Variants in CGNL1 observed in about 807,000 individuals in gnomAD.
CGNL1 encodes the protein cingulin like 1.
In CGNL1, 132 loss-of-function variants were observed where a neutral mutation model predicts 141.2. That is an observed-to-expected ratio of 0.93 (90% CI 0.81 to 1.08). The LOEUF (loss-of-function observed/expected upper bound fraction) is 1.08, where lower values mean the gene tolerates loss of function less well. Ranked by LOEUF, CGNL1 falls within the 50% of genes least tolerant of loss-of-function variation. The probability of loss-of-function intolerance (pLI) is 0.00; values close to 1 mark genes in which losing one functional copy is unlikely to be tolerated. For synonymous variants in CGNL1, 690 were observed against 622.1 expected, an observed-to-expected ratio of 1.11 and a Z score of -1.63; for missense variants, 1,870 against 1,588.6, an observed-to-expected ratio of 1.18 and a Z score of -3.01.
chr15:57,513,966 G>T (rs2030556803), intron 8 of CGNL1, among the ~76,000 whole-genome samples: 1 of 152,094 alleles, frequency 6.6e-6, no homozygotes, highest in Non-Finnish European at 1.5e-5. Flanking sequence ...TGTATAAGTG[G>T]TCTAATTCCT....
intron 1 of CGNL1, among the ~76,000 whole-genome samples, chr15:57,408,063 C>A (rs995504757): frequency 6.6e-6 from 1 of 151,946 alleles, no homozygotes; most frequent in Admixed American, 6.6e-5. Context: ...AAAAATTATT[C>A]TCTTTGGTAT....
At chr15:57,417,178 T>TA (rs2062858032) in intron 1 of CGNL1, among the ~76,000 whole-genome samples, 1 of 152,230 alleles carries the variant, frequency 6.6e-6, no homozygotes, top group Non-Finnish European at 1.5e-5. Flanking sequence ...ATTACGTATC[T>TA]AGTTTGTTTA....
intron 8 of CGNL1, among the ~76,000 whole-genome samples, chr15:57,465,562 T>C (rs2152338001): frequency 6.6e-6 from 1 of 152,092 alleles, no homozygotes; most frequent in African/African-American, 2.4e-5. Flanking sequence ...GACTAATTTT[T>C]GTATTTTTAG....
chr15:57,547,665 A>G lies in CGNL1; in HGVS notation c.*175A>G, dbSNP rs2032941892. ...GCCAGGGTCTCTCAGTGGGTCTTCG[A>G]CAGAGAGCTTTTGCAGTTTAAAATG... On this transcript the variant is annotated 3_prime_UTR_variant, in exon 19 of 19. Coordinates refer to ENST00000281282, the MANE Select transcript of CGNL1 (RefSeq NM_032866.5). 3.0e-6 allele frequency: 2 copies of G among 660,672 alleles called. No homozygotes were observed. The highest frequency in any genetic ancestry group is 6.0e-5 in the East Asian group (2 of 33,196). The allele number at this position is 660,672 out of a possible 1,614,324, so 40.9% of individuals were successfully genotyped here.
chr15:57,489,762 T>C (rs1346475902), intron 8 of CGNL1, among the ~76,000 whole-genome samples: 2 of 152,212 alleles, frequency 1.3e-5, no homozygotes, highest in Admixed American at 6.5e-5. Context: ...CAGACATTAG[T>C]TTTGGTGCTG....
chr15:57,504,783 G>A (rs2064077930), intron 8 of CGNL1, among the ~76,000 whole-genome samples: 1 of 152,130 alleles, frequency 6.6e-6, no homozygotes, highest in Non-Finnish European at 1.5e-5. Context: ...TAATCACATG[G>A]CCACTCCTGA....
At chr15:57,427,773 C>T (rs977969465) in intron 1 of CGNL1, among the ~76,000 whole-genome samples, 2 of 146,784 alleles carry the variant, frequency 1.4e-5, no homozygotes, top group Non-Finnish European at 3.0e-5. Context: ...CACACCCCCC[C>T]ATGCCTCCCT....
chr15:57,469,607 T>C (rs2063554485), intron 8 of CGNL1, among the ~76,000 whole-genome samples: 1 of 152,138 alleles, frequency 6.6e-6, no homozygotes, highest in South Asian at 2.1e-4. Context: ...TTCTGTACTT[T>C]TGTCTTGTCT....
At chr15:57,525,888 T>TA (rs34635621) in intron 12 of CGNL1, among the ~76,000 whole-genome samples, 1,562 of 144,304 alleles carry the variant, frequency 0.011, 12 homozygotes, top group African/African-American at 0.021. Context: ...TCTTTGGTAT[T>TA]AAAAAAAAAA....
chr15:57,410,799 C>T (rs536075561), intron 1 of CGNL1, among the ~76,000 whole-genome samples: 28 of 152,198 alleles, frequency 1.8e-4, no homozygotes, highest in South Asian at 8.3e-4. Context: ...GTAATTGTAT[C>T]GCTTTAGCTT....
chr15:57,452,028 T>G (rs576638139), intron 5 of CGNL1, 113 bp from the exon 6 acceptor site: 2 of 857,456 alleles, frequency 2.3e-6, no homozygotes, highest in African/African-American at 1.7e-5. Flanking sequence ...TTGATTAAGT[T>G]GTTTAATAAT....
At chr15:57,538,491 C>T (rs2032387163) in intron 14 of CGNL1, among the ~76,000 whole-genome samples, 2 of 152,082 alleles carry the variant, frequency 1.3e-5, no homozygotes, top group South Asian at 4.1e-4. Context: ...TTTGGAGAGT[C>T]ACCATTATCC....
intron 1 of CGNL1, chr15:57,397,102 G>A (rs1664447): frequency 0.43 from 65,404 of 151,886 alleles, 14,340 homozygotes; most frequent in East Asian, 0.67. Context: ...GGCTTCTTCG[G>A]GAAGGTGACA....
At chr15:57,515,423 G>A (rs888268224) in intron 8 of CGNL1, among the ~76,000 whole-genome samples, 5 of 152,216 alleles carry the variant, frequency 3.3e-5, no homozygotes, top group Non-Finnish European at 7.3e-5. Flanking sequence ...GGCTATATAA[G>A]TGAGCAGTTC....
At chr15:57,451,271 G>C (rs2063318508) in intron 4 of CGNL1, among the ~76,000 whole-genome samples, 2 of 152,162 alleles carry the variant, frequency 1.3e-5, no homozygotes, top group Non-Finnish European at 2.9e-5. Flanking sequence ...CCTGTGATTG[G>C]TAAATGCTGT....
chr15:57,382,344 C>T (rs1218441531), intron 1 of CGNL1, among the ~76,000 whole-genome samples: 3 of 152,086 alleles, frequency 2.0e-5, no homozygotes, highest in South Asian at 4.1e-4. Context: ...AGCGGAGGGT[C>T]GTCATGGAGT....
chr15:57,530,818 G>A (rs972762117), intron 13 of CGNL1, among the ~76,000 whole-genome samples: 1 of 152,178 alleles, frequency 6.6e-6, no homozygotes, highest in Non-Finnish European at 1.5e-5. Context: ...TAGGGATAGA[G>A]GTGCCCATTG....
chr15:57,496,353 G>T (rs2152383664), intron 8 of CGNL1, among the ~76,000 whole-genome samples: 1 of 152,278 alleles, frequency 6.6e-6, no homozygotes, highest in East Asian at 1.9e-4. Context: ...TCAGGCCATG[G>T]ACTGGTATAG....
At chr15:57,389,359 G>A (rs779609664) in intron 1 of CGNL1, among the ~76,000 whole-genome samples, 1 of 152,198 alleles carries the variant, frequency 6.6e-6, no homozygotes, top group Non-Finnish European at 1.5e-5. Flanking sequence ...TAGTACATTT[G>A]TAGAAAAAGT....
Sources: gnomAD v4.1 joint callset for allele counts (sites outside exome capture counted in the v4.1 genomes callset) on GRCh38, gnomAD v4.1.1 for gene constraint, MANE v1.5 for transcripts, NCBI Gene and HGNC (gene_info 2026-07-23, HGNC 2026-07-21) for gene names.